Variants in CHL1 observed in about 807,000 individuals in gnomAD.
CHL1 encodes the protein neural cell adhesion molecule L1-like protein.
Under a neutral mutation model 141.9 loss-of-function variants are expected in CHL1, and 96 were observed. The observed-to-expected ratio is 0.68, with a 90% confidence interval of 0.57 to 0.80. CHL1 has a LOEUF of 0.80. Among genes scored for constraint, CHL1 ranks in the 30% least tolerant of loss-of-function variants. The probability of loss-of-function intolerance (pLI) is 0.00; values close to 1 mark genes in which losing one functional copy is unlikely to be tolerated. For synonymous variants in CHL1, 613 were observed against 502.2 expected (o/e 1.22, Z -2.95); for missense variants, 1,820 against 1,457.2 (o/e 1.25, Z -4.05).
At chr3:241,998 CTTAGA>C (rs1192373719) in intron 1 of CHL1, among the ~76,000 whole-genome samples, 1 of 152,068 alleles carries the variant, frequency 6.6e-6, no homozygotes, top group Non-Finnish European at 1.5e-5. Context: ...AAGACGTTTT[CTTAGA>C]TTATAGTAGT....
chr3:287,526 A>T (rs1574965205), intron 2 of CHL1, among the ~76,000 whole-genome samples: 1 of 152,194 alleles, frequency 6.6e-6, no homozygotes, highest in East Asian at 1.9e-4. Flanking sequence ...ATACCTCCTT[A>T]TAATCTTAGA....
At position 369,146 on chromosome 3, in the gene CHL1, G is replaced by T. The variant is rs1259549442; in HGVS notation, c.1751+3031G>T. 2.0e-5 allele frequency among the ~76,000 whole-genome samples: 3 copies of T among 152,018 alleles called. No homozygotes were observed. The East Asian group carries it at 5.8e-4, about 29-fold the overall frequency. ...AATTCTGTGTAGAATGTCAATGGTA[G>T]TTTGATGGGAATAGCATTGAATCTA... is the stretch of plus-strand genomic sequence containing the variant. On this transcript the variant is annotated intron_variant, in intron 15 of 27. Transcript: ENST00000256509.
At chr3:306,745 AT>A in intron 2 of CHL1, among the ~76,000 whole-genome samples, 2 of 152,336 alleles carry the variant, frequency 1.3e-5, no homozygotes, top group South Asian at 4.1e-4. Flanking sequence ...AGATAAAAAA[AT>A]CAAAGGTGAG....
intron 5 of CHL1, among the ~76,000 whole-genome samples, chr3:336,758 G>C (rs925420853): frequency 6.6e-6 from 1 of 152,166 alleles, no homozygotes; most frequent in African/African-American, 2.4e-5. Context: ...CTATTTTTCT[G>C]TATATTATGT....
intron 1 of CHL1, among the ~76,000 whole-genome samples, chr3:201,759 A>G (rs1698964329): frequency 6.6e-6 from 1 of 152,192 alleles, no homozygotes. Flanking sequence ...TTCTCCTGGT[A>G]GTCTTATAAC....
At chr3:301,435 T>C (rs1214381406) in intron 2 of CHL1, among the ~76,000 whole-genome samples, 1 of 152,204 alleles carries the variant, frequency 6.6e-6, no homozygotes, top group African/African-American at 2.4e-5. Context: ...TACTGGCTGT[T>C]CTGACCCAAT....
intron 2 of CHL1, among the ~76,000 whole-genome samples, chr3:314,329 GTATATATA>G (rs56292297): frequency 0.013 from 851 of 65,306 alleles, 22 homozygotes; most frequent in East Asian, 0.054. Context: ...CTCTCTATGT[GTATATATA>G]TATATATATA....
Position 315,435 on chromosome 3 carries a change from T to A in CHL1, c.-94-4248T>A, listed in dbSNP as rs900823317. Among the ~76,000 whole-genome samples, 3 of 152,226 alleles carry A rather than the reference T, an allele frequency of 2.0e-5. No individual in the cohort carries two copies. The South Asian group carries it at 6.2e-4, about 32-fold the overall frequency. On this transcript the variant is annotated intron_variant, in intron 2 of 27. Transcript: ENST00000256509. Reference sequence around the variant, plus strand: ...AGTAGAATGGACAAAGACTTAGCCATCTCTCTCCTCCATTTCTCAAGGAAT... The same window carrying A: ...AGTAGAATGGACAAAGACTTAGCCAACTCTCTCCTCCATTTCTCAAGGAAT...
At chr3:338,424 G>C (rs1286934133) in intron 5 of CHL1, among the ~76,000 whole-genome samples, 1 of 152,128 alleles carries the variant, frequency 6.6e-6, no homozygotes, top group African/African-American at 2.4e-5. Context: ...CCACTGGTTG[G>C]ATTTATTTTT....
chr3:221,618 G>A (rs549179941), intron 1 of CHL1, among the ~76,000 whole-genome samples: 4 of 152,342 alleles, frequency 2.6e-5, no homozygotes, highest in African/African-American at 4.8e-5. Flanking sequence ...ATTCGCATGA[G>A]CAACACCTCA....
chr3:330,446 G>A (rs968852886), intron 5 of CHL1, among the ~76,000 whole-genome samples: 2 of 151,980 alleles, frequency 1.3e-5, no homozygotes, highest in African/African-American at 4.8e-5. Context: ...AAATGAATGA[G>A]CTAATTTAAG....
intron 2 of CHL1, among the ~76,000 whole-genome samples, chr3:308,143 T>G (rs1699410639): frequency 6.6e-6 from 1 of 152,226 alleles, no homozygotes; most frequent in African/African-American, 2.4e-5. Flanking sequence ...AAGTTTAATT[T>G]CTGAGTTGTC....
At chr3:328,382 T>A in intron 5 of CHL1, 28 bp downstream of exon 5, 1 of 1,561,810 alleles carries the variant, frequency 6.4e-7, no homozygotes, top group Non-Finnish European at 8.7e-7. Flanking sequence ...AATTTCATTT[T>A]ACAAGTGTTT....
chr3:377,623 G>C, intron 15 of CHL1, among the ~76,000 whole-genome samples, 195 bp from the exon 16 acceptor site: 1 of 152,190 alleles, frequency 6.6e-6, no homozygotes, highest in East Asian at 1.9e-4. Context: ...TGGCTATGTA[G>C]ACAGTTGTGT....
intron 1 of CHL1, among the ~76,000 whole-genome samples, chr3:202,597 C>T (rs1421800232): frequency 2.0e-5 from 3 of 152,174 alleles, no homozygotes; most frequent in East Asian, 3.8e-4. Flanking sequence ...GCGATTCTAA[C>T]ACGCCCTAAT....
intron 1 of CHL1, among the ~76,000 whole-genome samples, chr3:241,695 A>C (rs1442285113): frequency 2.0e-5 from 3 of 152,082 alleles, no homozygotes; most frequent in Non-Finnish European, 4.4e-5. Context: ...TACAAAGCAC[A>C]CAACCAATAA....
chr3:223,640 A>G (rs971097428), intron 1 of CHL1, among the ~76,000 whole-genome samples: 3 of 152,200 alleles, frequency 2.0e-5, no homozygotes, highest in Non-Finnish European at 4.4e-5. Context: ...CACTGCATGG[A>G]TAGGGCAAAT....
At chr3:335,790 A>C (rs1014501467) in intron 5 of CHL1, among the ~76,000 whole-genome samples, 1 of 152,208 alleles carries the variant, frequency 6.6e-6, no homozygotes. Flanking sequence ...AAATAATTGC[A>C]CAAAGTCACA....
At position 349,489 on chromosome 3, in the gene CHL1, A is replaced by T. The variant is rs1703062327; in HGVS notation, c.979A>T (p.Thr327Ser). Residue 327 changes from threonine (T) to serine (S), a missense_variant, in exon 10 of 28, where the codon ACA (threonine) becomes TCA (serine). By Grantham distance (58) the Thr-to-Ser change is moderately conservative. Coordinates refer to ENST00000256509, the MANE Select transcript of CHL1 (RefSeq NM_006614.4). ...CCAGGACAAAGGAAATTATCGCTGCACAGCCAGCAATTTCTTGGGAACAGC... is the reference window on the plus strand; with the variant it reads ...CCAGGACAAAGGAAATTATCGCTGCTCAGCCAGCAATTTCTTGGGAACAGC... ...SYQDKGNYRC[T>S]ASNFLGTATH... The T allele has an allele frequency of 6.2e-7, 1 of 1,613,920 alleles. No homozygotes were observed. Among genetic ancestry groups the T allele is most frequent in the Non-Finnish European group, 8.5e-7 (1 of 1,179,938 alleles).
Sources: allele counts gnomAD v4.1 joint callset (sites outside exome capture counted in the v4.1 genomes callset), GRCh38; gene constraint gnomAD v4.1.1; transcripts MANE v1.5; gene names NCBI Gene and HGNC (gene_info 2026-07-23, HGNC 2026-07-21).